APTX: variants seen among roughly 807,000 people sequenced by gnomAD.
The protein encoded by APTX is forkhead-associated domain histidine triad-like protein.
APTX carries 33 observed loss-of-function variants against 42.3 expected under a neutral mutation model. That is an observed-to-expected ratio of 0.78 (90% CI 0.59 to 1.04). The LOEUF is 1.04. Among genes scored for constraint, APTX ranks in the 50% least tolerant of loss-of-function variants. APTX has a pLI of 0.00. For missense variants in APTX, 421 were observed against 415.1 expected (o/e 1.01, Z -0.12); for synonymous variants, 130 against 146.7 (o/e 0.89, Z 0.82).
At chr9:33,019,861 C>T in intron 1 of APTX, 3 of 644,468 alleles carry the variant, frequency 4.7e-6, no homozygotes, top group South Asian at 1.9e-5. Flanking sequence ...TCCCAACCAC[C>T]CTTTGGTGGG....
At chr9:32,990,750 G>C (rs965894383) in intron 1 of APTX, among the ~76,000 whole-genome samples, 1 of 152,170 alleles carries the variant, frequency 6.6e-6, no homozygotes. Flanking sequence ...TAAAGGATGA[G>C]AAGGAGTTTG....
At chr9:33,006,998 T>TCAAAAAAAAAAAAAAA (rs1837194588) in intron 1 of APTX, among the ~76,000 whole-genome samples, 1 of 9,962 alleles carries the variant, frequency 1.0e-4, no homozygotes, top group Non-Finnish European at 1.8e-4. Context: ...AGACTCTGTC[T>TCAAAAAAAAAAAAAAA]CAAAAAAAAA....
At chr9:33,001,789 AT>A, upstream of APTX, 3 of 740,894 alleles carry the variant, frequency 4.0e-6, no homozygotes, top group South Asian at 3.4e-5. Context: ...CCTGGAAGTT[AT>A]GCCTGTGGGG....
rs368369363 is a variant in APTX at position 32,987,584 on chromosome 9, G to C, written c.443C>G (p.Ser148Cys). ...LEPGSNSGQC[S>C]VPLKKGKDAP... The stretch of plus-strand genomic sequence containing the variant: ...ATCTTTTCCCTTCTTTAGGGGCACA[G>C]AGCATTGGCCAGAGTTGCTCCCAGG... Residue 148 changes from serine (S) to cysteine (C), a missense_variant, in exon 4 of 8, where the codon TCT (serine) becomes TGT (cysteine). Transcript: ENST00000379817. 2.5e-6 allele frequency: 4 copies of C among 1,614,092 alleles called. No homozygotes were observed. The highest frequency in any genetic ancestry group is 1.7e-5 in the Admixed American group (1 of 60,022).
intron 1 of APTX, chr9:33,019,992 T>C: frequency 2.4e-6 from 1 of 415,550 alleles, no homozygotes; most frequent in Non-Finnish European, 4.4e-6. Context: ...ACGCTGCGTT[T>C]CTGCTAGGAC....
In APTX at chr9:32,974,556, A is replaced by G. The variant is rs762632610; in HGVS notation, c.776T>C (p.Val259Ala). 10 of 1,584,124 alleles carry G rather than the reference A, an allele frequency of 6.3e-6. No homozygotes were observed. The highest frequency in any genetic ancestry group is 7.7e-6 in the Non-Finnish European group (9 of 1,166,328). Residue 259 changes from valine to alanine, a missense_variant, in exon 7 of 8, where the codon GTA becomes GCA. Transcript: ENST00000379817. ...ATCCTGGCTGATCACATGAAGATGT[A>G]CATGGCTAGTTGAAAGAAAAAAAAA... is the stretch of plus-strand genomic sequence containing the variant. Reference protein sequence around the residue: ...GYHAIPSMSHVHLHVISQDFD... With the variant: ...GYHAIPSMSHAHLHVISQDFD...
At chr9:33,006,451 T>C (rs554102956), upstream of APTX, among the ~76,000 whole-genome samples, 1 of 152,172 alleles carries the variant, frequency 6.6e-6, no homozygotes, top group East Asian at 1.9e-4. Flanking sequence ...AGCCCTTCTT[T>C]CTTTAAGATT....
chr9:32,984,593 C>G (rs747387209), intron 6 of APTX, 38 bp downstream of exon 6: 2 of 1,593,710 alleles, frequency 1.3e-6, no homozygotes, highest in Non-Finnish European at 8.6e-7. Context: ...CCCACCTGGA[C>G]AGAACCAGGA....
intron 1 of APTX, among the ~76,000 whole-genome samples, chr9:33,011,841 A>T (rs186163788): frequency 6.6e-6 from 1 of 151,864 alleles, no homozygotes; most frequent in East Asian, 1.9e-4. Flanking sequence ...TGCTGAGCCC[A>T]CTCTCCTGAA....
intron 6 of APTX, among the ~76,000 whole-genome samples, chr9:32,982,716 T>C (rs1830960804): frequency 6.6e-6 from 1 of 152,150 alleles, no homozygotes; most frequent in South Asian, 2.1e-4. Context: ...CAACATTCAC[T>C]GTAGGAAAAA....
At chr9:32,978,654 G>A (rs1461372293) in intron 6 of APTX, among the ~76,000 whole-genome samples, 1 of 152,208 alleles carries the variant, frequency 6.6e-6, no homozygotes, top group Non-Finnish European at 1.5e-5. Flanking sequence ...TAAAGCTCAA[G>A]TGCAATTTCT....
upstream of APTX, chr9:33,001,651 C>A (rs531225627): frequency 3.1e-6 from 5 of 1,610,590 alleles, no homozygotes; most frequent in African/African-American, 1.3e-5. Context: ...CAGAGGCCGG[C>A]TGTATCGCGA....
At chr9:33,015,510 C>T (rs1837835514) in intron 1 of APTX, among the ~76,000 whole-genome samples, 1 of 152,148 alleles carries the variant, frequency 6.6e-6, no homozygotes, top group Non-Finnish European at 1.5e-5. Context: ...AGCCGCACAC[C>T]ATCATGCCCT....
At position 32,981,706 on chromosome 9, in the gene APTX, A is replaced by G. The variant is rs375902822; in HGVS notation, c.770+2925T>C. On this transcript the variant is annotated intron_variant, in intron 6 of 7. Transcript: ENST00000379817. The stretch of plus-strand genomic sequence containing the variant: ...TAACCAAAGCTGAACAATTTGAGCA[A>G]CAAAATAATTATAGTATTGAATTAT... Among the ~76,000 whole-genome samples the G allele has an allele frequency of 1.6e-4, 24 of 152,386 alleles. No homozygotes were observed. In the East Asian group the frequency reaches 2.9e-3, roughly 18 times the overall value.
At chr9:32,985,245 A>C (rs1334064363) in intron 5 of APTX, among the ~76,000 whole-genome samples, 1 of 152,036 alleles carries the variant, frequency 6.6e-6, no homozygotes, top group Non-Finnish European at 1.5e-5. Flanking sequence ...CGTGGGTTCC[A>C]GTGAGCCCTA....
intron 1 of APTX, among the ~76,000 whole-genome samples, chr9:33,020,900 C>T (rs539338953): frequency 2.6e-5 from 4 of 152,222 alleles, no homozygotes; most frequent in South Asian, 2.1e-4. Context: ...GAGGCCGAGG[C>T]GGGCAGATCA....
chr9:33,016,400 G>A lies in APTX; in HGVS notation c.-5+8623C>T, dbSNP rs563019031. Among the ~76,000 whole-genome samples the A allele has an allele frequency of 9.2e-5, 14 of 152,190 alleles. No individual in the cohort carries two copies. In the East Asian group the frequency reaches 1.7e-3, roughly 19 times the overall value. On this transcript the variant is annotated intron_variant, in intron 1 of 6. Coordinates refer to the APTX transcript ENST00000436040. The stretch of plus-strand genomic sequence containing the variant: ...CAGAAGATCTCAAGAAATAGGTCAG[G>A]ATCTCATAAATGAGCAATCCAGTTT...
At chr9:33,020,031 G>A in intron 1 of APTX, 1 of 399,542 alleles carries the variant, frequency 2.5e-6, no homozygotes, top group Non-Finnish European at 4.5e-6. Context: ...GAGCTCCGCT[G>A]GCCGGAGCTG....
intron 1 of APTX, chr9:33,001,355 C>G (rs1182747982): frequency 3.9e-6 from 6 of 1,528,690 alleles, no homozygotes; most frequent in Non-Finnish European, 5.2e-6. Flanking sequence ...CACACGTGAA[C>G]AAACGCAAAG....
Sources: allele counts gnomAD v4.1 joint callset (sites outside exome capture counted in the v4.1 genomes callset), GRCh38; gene constraint gnomAD v4.1.1; transcripts MANE v1.5; gene names NCBI Gene and HGNC (gene_info 2026-07-23, HGNC 2026-07-21).